The following GALNTL6 variants were observed in gnomAD, a reference collection of about 807,000 sequenced individuals.
The protein encoded by GALNTL6 is polypeptide N-acetylgalactosaminyltransferase like 6.
GALNTL6 carries 46 observed loss-of-function variants against 73.7 expected under a neutral mutation model. That is an observed-to-expected ratio of 0.62 (90% CI 0.49 to 0.80). The LOEUF (loss-of-function observed/expected upper bound fraction) is 0.80, where lower values mean the gene tolerates loss of function less well. GALNTL6 is among the 30% of genes least tolerant of loss of function. The probability of loss-of-function intolerance (pLI) is 0.00; values close to 1 mark genes in which losing one functional copy is unlikely to be tolerated. For missense variants in GALNTL6, 604 were observed against 755.0 expected, an observed-to-expected ratio of 0.80 and a Z score of 2.34; for synonymous variants, 259 against 263.7, an observed-to-expected ratio of 0.98 and a Z score of 0.17.
At chr4:171,887,171 C>G (rs1337906888) in intron 2 of GALNTL6, among the ~76,000 whole-genome samples, 1 of 152,138 alleles carries the variant, frequency 6.6e-6, no homozygotes, top group Non-Finnish European at 1.5e-5. Context: ...AGATGAAGCC[C>G]TTTATAACAT....
intron 5 of GALNTL6, among the ~76,000 whole-genome samples, chr4:172,687,404 C>A (rs145405760): frequency 6.6e-6 from 1 of 151,770 alleles, no homozygotes; most frequent in South Asian, 2.1e-4. Flanking sequence ...CTGAGGCGGG[C>A]GGATCACCAG....
intron 4 of GALNTL6, among the ~76,000 whole-genome samples, chr4:172,326,332 C>T (rs1354452679): frequency 1.3e-5 from 2 of 151,896 alleles, no homozygotes; most frequent in Non-Finnish European, 2.9e-5. Flanking sequence ...GTGAAATTAT[C>T]TGTATTTACT....
intron 7 of GALNTL6, among the ~76,000 whole-genome samples, chr4:172,846,887 G>A (rs1019804651): frequency 6.6e-6 from 1 of 152,078 alleles, no homozygotes; most frequent in Admixed American, 6.5e-5. Context: ...CATTACCTGA[G>A]AGTAATTTTA....
At chr4:172,851,020 G>A (rs1346028710) in intron 7 of GALNTL6, among the ~76,000 whole-genome samples, 1 of 152,026 alleles carries the variant, frequency 6.6e-6, no homozygotes, top group Non-Finnish European at 1.5e-5. Flanking sequence ...TCATCACATA[G>A]GCATGACTCA....
At chr4:172,154,854 T>C (rs1356956938) in intron 2 of GALNTL6, among the ~76,000 whole-genome samples, 2 of 152,222 alleles carry the variant, frequency 1.3e-5, no homozygotes, top group African/African-American at 2.4e-5. Context: ...AAATGTTTGA[T>C]ATAATTCTGA....
intron 5 of GALNTL6, among the ~76,000 whole-genome samples, chr4:172,623,737 CTTGTCCA>C (rs1247981927): frequency 6.6e-6 from 1 of 152,118 alleles, no homozygotes; most frequent in Admixed American, 6.6e-5. Context: ...ATCTTCCAGT[CTTGTCCA>C]TTCAGATAGC....
At chr4:172,325,693 C>T (rs935291017) in intron 4 of GALNTL6, among the ~76,000 whole-genome samples, 2 of 151,700 alleles carry the variant, frequency 1.3e-5, no homozygotes, top group East Asian at 3.9e-4. Flanking sequence ...TGGTAAAATA[C>T]TCATTTTAAA....
intron 7 of GALNTL6, among the ~76,000 whole-genome samples, chr4:172,856,631 A>G (rs995547875): frequency 1.6e-5 from 2 of 123,292 alleles, no homozygotes; most frequent in African/African-American, 5.0e-5. Context: ...AGGTTCATTG[A>G]CTGTGGTTTC....
chr4:173,038,156 A>G (rs1199685216), intron 12 of GALNTL6, among the ~76,000 whole-genome samples: 1 of 152,214 alleles, frequency 6.6e-6, no homozygotes, highest in Admixed American at 6.5e-5. Flanking sequence ...GTCACCTAGA[A>G]TTTTTATGAC....
chr4:172,021,781 A>C (rs1291667944), intron 2 of GALNTL6, among the ~76,000 whole-genome samples: 2 of 152,046 alleles, frequency 1.3e-5, no homozygotes, highest in Non-Finnish European at 2.9e-5. Context: ...CACAGAAACA[A>C]ATCCATATAT....
intron 9 of GALNTL6, among the ~76,000 whole-genome samples, chr4:172,951,423 G>A (rs1305686486): frequency 6.6e-6 from 1 of 152,202 alleles, no homozygotes; most frequent in Non-Finnish European, 1.5e-5. Flanking sequence ...TCACCCCAGG[G>A]ACACATCTGT....
At chr4:172,184,778 C>T (rs28478765) in intron 2 of GALNTL6, among the ~76,000 whole-genome samples, 53,793 of 151,838 alleles carry the variant, frequency 0.35, 9,703 homozygotes, top group Admixed American at 0.38. Context: ...AATTCAAGAT[C>T]GAGGGATTGG....
intron 2 of GALNTL6, among the ~76,000 whole-genome samples, chr4:171,997,763 G>A (rs911420733): frequency 1.3e-5 from 2 of 152,084 alleles, no homozygotes; most frequent in African/African-American, 2.4e-5. Flanking sequence ...GAGAGGGGTA[G>A]TTGTTGGGAG....
At chr4:172,625,038 G>A (rs1398214544) in intron 5 of GALNTL6, among the ~76,000 whole-genome samples, 1 of 151,292 alleles carries the variant, frequency 6.6e-6, no homozygotes, top group Admixed American at 6.6e-5. Flanking sequence ...TGGATTTCGG[G>A]GTCTCAATTT....
chr4:172,480,253 C>T (rs560070783), intron 5 of GALNTL6, among the ~76,000 whole-genome samples: 172 of 151,986 alleles, frequency 1.1e-3, no homozygotes, highest in Non-Finnish European at 1.7e-3. Flanking sequence ...TTCGAGGTTG[C>T]CATGAGTCAT....
At chr4:172,776,421 C>G (rs1447701810) in intron 5 of GALNTL6, among the ~76,000 whole-genome samples, 1 of 152,136 alleles carries the variant, frequency 6.6e-6, no homozygotes, top group Non-Finnish European at 1.5e-5. Context: ...GCTTAAAAAA[C>G]AAGTGTCCAG....
chr4:172,188,101 A>G (rs969104625), intron 2 of GALNTL6, among the ~76,000 whole-genome samples: 2 of 152,208 alleles, frequency 1.3e-5, no homozygotes, highest in African/African-American at 4.8e-5. Flanking sequence ...GGCTGATGGT[A>G]TCTTAAATCA....
intron 5 of GALNTL6, among the ~76,000 whole-genome samples, chr4:172,357,336 G>GA (rs971744912): frequency 1.8e-4 from 27 of 152,170 alleles, no homozygotes; most frequent in African/African-American, 6.5e-4. Context: ...CTTTATCCTG[G>GA]AAAAAGTGTT....
intron 5 of GALNTL6, among the ~76,000 whole-genome samples, chr4:172,370,660 A>G (rs993526281): frequency 1.5e-4 from 23 of 148,902 alleles, no homozygotes; most frequent in African/African-American, 5.7e-4. Context: ...AAGAGTTTGA[A>G]AGGCATTGTC....
Sources: allele counts gnomAD v4.1 joint callset (sites outside exome capture counted in the v4.1 genomes callset), GRCh38; gene constraint gnomAD v4.1.1; transcripts MANE v1.5; gene names NCBI Gene and HGNC (gene_info 2026-07-23, HGNC 2026-07-21).